The following ITGA9 variants were observed in gnomAD, a reference collection of about 807,000 sequenced individuals.
The protein encoded by ITGA9 is integrin alpha-9.
A neutral mutation model predicts 127.8 loss-of-function variants in ITGA9; 56 were observed. That is an observed-to-expected ratio of 0.44 (90% CI 0.35 to 0.55). The LOEUF is 0.55. ITGA9 is among the 20% of genes least tolerant of loss of function. ITGA9 has a pLI of 0.00. For synonymous variants in ITGA9, 508 were observed against 514.5 expected (o/e 0.99, Z 0.17); for missense variants, 1,196 against 1,347.1 (o/e 0.89, Z 1.76).
chr3:37,616,443 T>A (rs1700075544), intron 15 of ITGA9, among the ~76,000 whole-genome samples: 1 of 152,218 alleles, frequency 6.6e-6, no homozygotes, highest in Non-Finnish European at 1.5e-5. Flanking sequence ...TATATTCTGT[T>A]GATTTGGGGT....
intron 23 of ITGA9, among the ~76,000 whole-genome samples, chr3:37,768,133 C>A (rs1229881605): frequency 6.6e-6 from 1 of 152,072 alleles, no homozygotes; most frequent in African/African-American, 2.4e-5. Flanking sequence ...ATATTTTAGT[C>A]TTTGGTCAAT....
At chr3:37,718,463 C>A (rs1021298640) in intron 18 of ITGA9, among the ~76,000 whole-genome samples, 2 of 152,100 alleles carry the variant, frequency 1.3e-5, no homozygotes, top group African/African-American at 4.8e-5. Context: ...CATAAGAATC[C>A]CAGAGAAGGC....
At chr3:37,545,213 C>G (rs1164783940) in intron 15 of ITGA9, among the ~76,000 whole-genome samples, 1 of 152,140 alleles carries the variant, frequency 6.6e-6, no homozygotes. Flanking sequence ...TGGCTCTCGG[C>G]TTTATGGACA....
In ITGA9 at chr3:37,508,642, A is replaced by G. The variant is rs1419065131; in HGVS notation, c.897+15A>G. 1 of 1,603,188 alleles carries G rather than the reference A, an allele frequency of 6.2e-7. No homozygotes were observed. Among genetic ancestry groups the G allele is most frequent in the African/African-American group, 1.3e-5 (1 of 74,796 alleles). ...CAGGTAAAAAGGTGAGGTTCTTGGT[A>G]TAAGTGACTATTTTTTATTTGAGAG... On this transcript the variant is annotated intron_variant, in intron 8 of 27. Transcript: ENST00000264741.
At chr3:37,538,924 G>A (rs1405918723) in intron 14 of ITGA9, among the ~76,000 whole-genome samples, 2 of 152,242 alleles carry the variant, frequency 1.3e-5, no homozygotes, top group Admixed American at 1.3e-4. Flanking sequence ...ATTGCACTTG[G>A]TGAATTGGAT....
At chr3:37,488,818 A>G (rs1698637753) in intron 4 of ITGA9, among the ~76,000 whole-genome samples, 1 of 152,072 alleles carries the variant, frequency 6.6e-6, no homozygotes, top group Non-Finnish European at 1.5e-5. Context: ...AAAATATTGT[A>G]AAAAATAAAT....
At chr3:37,775,308 G>A (rs551894271) in intron 23 of ITGA9, among the ~76,000 whole-genome samples, 4 of 152,158 alleles carry the variant, frequency 2.6e-5, no homozygotes, top group Admixed American at 6.5e-5. Context: ...TCAAAACCAC[G>A]GTGAGATACC....
chr3:37,764,360 ACC>A (rs1696754319), intron 23 of ITGA9, among the ~76,000 whole-genome samples: 1 of 149,696 alleles, frequency 6.7e-6, no homozygotes, highest in Non-Finnish European at 1.5e-5. Flanking sequence ...GGAAGTAAGG[ACC>A]TGGTTTACTA....
intron 5 of ITGA9, among the ~76,000 whole-genome samples, chr3:37,497,104 T>C (rs1010372756): frequency 3.3e-5 from 5 of 152,236 alleles, no homozygotes; most frequent in Admixed American, 3.3e-4. Context: ...TTTGTATTTG[T>C]TTTCCTGGAA....
At chr3:37,734,049 G>A (rs994255129) in intron 19 of ITGA9, among the ~76,000 whole-genome samples, 6 of 152,218 alleles carry the variant, frequency 3.9e-5, no homozygotes, top group African/African-American at 1.4e-4. Context: ...GGGGTTATAG[G>A]ACCAGGCTCT....
intron 27 of ITGA9, among the ~76,000 whole-genome samples, chr3:37,812,583 T>C (rs1697381179): frequency 1.3e-5 from 2 of 152,250 alleles, no homozygotes; most frequent in Non-Finnish European, 2.9e-5. Context: ...TGCTTTTGGA[T>C]ACATGGTTAT....
intron 4 of ITGA9, among the ~76,000 whole-genome samples, chr3:37,485,902 T>C (rs80024244): frequency 0.069 from 10,507 of 152,282 alleles, 561 homozygotes; most frequent in African/African-American, 0.15. Context: ...AGAACATCAT[T>C]ACCTACCATA....
chr3:37,763,204 C>T (rs1333977325), intron 23 of ITGA9, among the ~76,000 whole-genome samples: 3 of 152,050 alleles, frequency 2.0e-5, no homozygotes, highest in Admixed American at 6.6e-5. Context: ...ATGGTAAATG[C>T]TCTGGAGAAA....
chr3:37,523,566 C>G lies in ITGA9; in HGVS notation c.1282C>G (p.Gln428Glu), dbSNP rs1195744516. The change falls in exon 12 of 28, where the codon CAG (glutamine) becomes GAG (glutamate). Residue 428 changes from glutamine (Q) to glutamate (E), a missense_variant. Transcript: ENST00000264741. ...AAATCCAGTGCTCCGGATGTTTGGTCAGTCCATATCGGGAGGCATTGATAT... is the reference window on the plus strand; with the variant it reads ...AAATCCAGTGCTCCGGATGTTTGGTGAGTCCATATCGGGAGGCATTGATAT... ...KINPVLRMFG[Q>E]SISGGIDMDG... The G allele has an allele frequency of 1.2e-6, 2 of 1,614,014 alleles. No homozygotes were observed. Among genetic ancestry groups the G allele is most frequent in the Admixed American group, 1.7e-5 (1 of 60,008 alleles).
At chr3:37,495,730 C>T (rs1698721332) in intron 5 of ITGA9, among the ~76,000 whole-genome samples, 2 of 152,106 alleles carry the variant, frequency 1.3e-5, no homozygotes, top group Non-Finnish European at 2.9e-5. Context: ...TAAAAGTCAC[C>T]ACTTTAAAGT....
chr3:37,464,387 T>C (rs990812143), intron 1 of ITGA9, among the ~76,000 whole-genome samples: 2 of 151,938 alleles, frequency 1.3e-5, no homozygotes, highest in African/African-American at 4.8e-5. Flanking sequence ...CTGGGATGAG[T>C]TGAGTGTCAA....
At chr3:37,473,979 T>C (rs1340768271) in intron 3 of ITGA9, among the ~76,000 whole-genome samples, 1 of 152,254 alleles carries the variant, frequency 6.6e-6, no homozygotes, top group Non-Finnish European at 1.5e-5. Context: ...CTACAGTATG[T>C]GCTCTTTTAT....
intron 4 of ITGA9, among the ~76,000 whole-genome samples, chr3:37,485,484 C>T (rs1005560307): frequency 6.6e-6 from 1 of 152,134 alleles, no homozygotes; most frequent in South Asian, 2.1e-4. Context: ...GATGCCTCCA[C>T]TGCATTTACC....
At chr3:37,766,080 AC>A (rs200741964) in intron 23 of ITGA9, among the ~76,000 whole-genome samples, 1 of 152,258 alleles carries the variant, frequency 6.6e-6, no homozygotes, top group African/African-American at 2.4e-5. Context: ...ATGGGTTGTT[AC>A]CAAAGTCGAT....
Sources: allele counts gnomAD v4.1 joint callset (sites outside exome capture counted in the v4.1 genomes callset), GRCh38; gene constraint gnomAD v4.1.1; transcripts MANE v1.5; gene names NCBI Gene and HGNC (gene_info 2026-07-23, HGNC 2026-07-21).